Variants in BCO2 observed in about 807,000 individuals in gnomAD.
The protein encoded by BCO2 is beta-carotene oxygenase 2.
BCO2 carries 56 observed loss-of-function variants against 65.8 expected under a neutral mutation model. That is an observed-to-expected ratio of 0.85 (90% CI 0.69 to 1.06). The LOEUF is 1.06. Among genes scored for constraint, BCO2 ranks in the 50% least tolerant of loss-of-function variants. The probability of loss-of-function intolerance (pLI) is 0.00; values close to 1 mark genes in which losing one functional copy is unlikely to be tolerated. For synonymous variants in BCO2, 233 were observed against 242.3 expected (o/e 0.96, Z 0.36); for missense variants, 675 against 698.5 (o/e 0.97, Z 0.38).
At chr11:112,194,908 T>C (rs1867525026) in intron 5 of BCO2, among the ~76,000 whole-genome samples, 153 bp downstream of exon 5, 1 of 152,168 alleles carries the variant, frequency 6.6e-6, no homozygotes. Context: ...TCTTTATTAC[T>C]TGATCTCAGA....
intron 8 of BCO2, among the ~76,000 whole-genome samples, chr11:112,208,445 T>C (rs1266933640): frequency 6.7e-6 from 1 of 149,046 alleles, no homozygotes; most frequent in Non-Finnish European, 1.5e-5. Context: ...CTTATTTCAC[T>C]GGATCTTCAG....
chr11:112,185,057 G>C (rs946221483), intron 2 of BCO2, among the ~76,000 whole-genome samples: 9 of 152,034 alleles, frequency 5.9e-5, no homozygotes, highest in Admixed American at 1.3e-4. Context: ...TATTTTCTTT[G>C]CTTTATTATT....
At chr11:112,180,814 C>T in intron 2 of BCO2, 5 of 1,046,530 alleles carry the variant, frequency 4.8e-6, no homozygotes, top group Admixed American at 1.7e-5. Context: ...GCCCCAAGAA[C>T]GGAAAGGTAG....
At chr11:112,197,248 G>A (rs1867606826) in intron 5 of BCO2, among the ~76,000 whole-genome samples, 1 of 152,062 alleles carries the variant, frequency 6.6e-6, no homozygotes, top group Admixed American at 6.6e-5. Flanking sequence ...TACATCAGTT[G>A]ATCAAAAAGT....
chr11:112,209,788 T>G (rs1320206477), intron 8 of BCO2, among the ~76,000 whole-genome samples: 1 of 152,222 alleles, frequency 6.6e-6, no homozygotes. Flanking sequence ...AAGCTACCCT[T>G]CCATTCCTGA....
In BCO2 at chr11:112,218,164, G is replaced by A. The variant is rs922147712; in HGVS notation, c.*290G>A. ...GAATGTACTCTATACAAAAGACAGAGCATAAAGGGCACCGTACCTCCCAAA... is the reference window on the plus strand; with the variant it reads ...GAATGTACTCTATACAAAAGACAGAACATAAAGGGCACCGTACCTCCCAAA... On this transcript the variant is annotated 3_prime_UTR_variant, in exon 12 of 12. Coordinates refer to ENST00000357685, the MANE Select transcript of BCO2 (RefSeq NM_031938.7). The A allele has an allele frequency of 4.4e-6, 1 of 229,720 alleles. No homozygotes were observed. Among genetic ancestry groups the A allele is most frequent in the Non-Finnish European group, 8.5e-6 (1 of 117,670 alleles). The allele number at this position is 229,720 out of a possible 1,614,324, so 14.2% of individuals were successfully genotyped here.
intron 8 of BCO2, among the ~76,000 whole-genome samples, chr11:112,209,564 A>T (rs1192092141): frequency 6.6e-6 from 1 of 152,248 alleles, no homozygotes; most frequent in Admixed American, 6.5e-5. Context: ...CTTTTTAAAA[A>T]GATACATTTT....
intron 10 of BCO2, chr11:112,215,736 A>AC (rs1181140760): frequency 6.3e-5 from 2 of 31,690 alleles, no homozygotes; most frequent in Admixed American, 8.4e-4. Flanking sequence ...AAACAAAAAA[A>AC]CAAAAAAAAA....
chr11:112,190,420 CTTA>C (rs1867339870), intron 2 of BCO2, among the ~76,000 whole-genome samples: 1 of 152,014 alleles, frequency 6.6e-6, no homozygotes. Context: ...ACAAGTTAGG[CTTA>C]TTATTAGTAA....
Position 112,193,650 on chromosome 11 carries a change from T to A in BCO2, c.470T>A (p.Val157Asp). The change falls in exon 3 of 12, where the codon GTT becomes GAT. Residue 157 changes from valine to aspartate, a missense_variant. Coordinates refer to ENST00000357685, the MANE Select transcript of BCO2 (RefSeq NM_031938.7). ...GCTCTCCCGGATCCATGCAAGAATG[T>A]TTTTGAACGTTTCATGTCCAGGTTT... ...TLALPDPCKNVFERFMSRFEL... is the reference protein window; with the variant it reads ...TLALPDPCKNDFERFMSRFEL... 15 of 1,614,152 alleles carry A rather than the reference T, an allele frequency of 9.3e-6. No homozygotes were observed. The highest frequency in any genetic ancestry group is 1.2e-5 in the Non-Finnish European group (14 of 1,180,000).
chr11:112,185,894 C>A (rs542887432), intron 2 of BCO2, among the ~76,000 whole-genome samples: 1 of 152,142 alleles, frequency 6.6e-6, no homozygotes, highest in African/African-American at 2.4e-5. Context: ...AAAACTGAAA[C>A]CTTGTATCCA....
intron 2 of BCO2, chr11:112,181,250 C>A: frequency 1.7e-6 from 1 of 603,924 alleles, no homozygotes; most frequent in Admixed American, 2.8e-5. Context: ...GGCGGGATCT[C>A]GGCTCACTGC....
At chr11:112,216,750 A>AACTG (rs1461061779) in intron 11 of BCO2, among the ~76,000 whole-genome samples, 1 of 152,200 alleles carries the variant, frequency 6.6e-6, no homozygotes, top group East Asian at 1.9e-4. Context: ...AATTTCAATG[A>AACTG]ACTGACCTCC....
At chr11:112,201,589 A>G (rs1867736262) in intron 7 of BCO2, among the ~76,000 whole-genome samples, 1 of 152,154 alleles carries the variant, frequency 6.6e-6, no homozygotes, top group Admixed American at 6.5e-5. Context: ...AGTATCTTAA[A>G]TTTACTCTAT....
At position 112,217,742 on chromosome 11, in the gene BCO2, ATTGTC is replaced by A. The variant is rs1859724895; in HGVS notation, c.1627-16_1627-12del. The stretch of plus-strand genomic sequence containing the variant: ...TGATGAAAAAAAGATAATTTTCAAT[ATTGTC>A]TTTTCTTTTCTAGAATGAAAGCAAT... On this transcript the variant is annotated splice_polypyrimidine_tract_variant and intron_variant, in intron 11 of 11. Coordinates refer to ENST00000357685, the MANE Select transcript of BCO2 (RefSeq NM_031938.7). 1.3e-6 allele frequency: 2 copies of A among 1,554,228 alleles called. No individual in the cohort carries two copies. Among genetic ancestry groups the A allele is most frequent in the East Asian group, 4.5e-5 (2 of 44,588 alleles).
At chr11:112,181,778 C>A in intron 2 of BCO2, 1 of 837,308 alleles carries the variant, frequency 1.2e-6, no homozygotes, top group Non-Finnish European at 2.1e-6. Context: ...CTTGTTTGGA[C>A]CTTCGATACA....
intron 8 of BCO2, chr11:112,208,585 C>A: frequency 4.5e-6 from 1 of 221,836 alleles, no homozygotes; most frequent in East Asian, 1.3e-4. Flanking sequence ...GAAACTGTCC[C>A]TTCTCGGGGG....
Position 112,180,100 on chromosome 11 carries a change from T to C in BCO2, c.293+618T>C, listed in dbSNP as rs553201408. ...TGAAGTCCCTTATATAAAATGCTTT[T>C]ATTTGCTTTTAACCTACATATATCC... On this transcript the variant is annotated intron_variant, in intron 2 of 11. Coordinates refer to ENST00000357685, the MANE Select transcript of BCO2 (RefSeq NM_031938.7). Among the ~76,000 whole-genome samples the C allele has an allele frequency of 1.6e-4, 25 of 152,348 alleles. 1 individual carries two copies. In the South Asian group the frequency reaches 4.3e-3, roughly 26 times the overall value.
chr11:112,185,619 T>TA (rs1867176556), intron 2 of BCO2, among the ~76,000 whole-genome samples: 1 of 152,200 alleles, frequency 6.6e-6, no homozygotes, highest in African/African-American at 2.4e-5. Context: ...CAATTACAGT[T>TA]ATATGTAGTA....
Sources: allele counts gnomAD v4.1 joint callset (sites outside exome capture counted in the v4.1 genomes callset), GRCh38; gene constraint gnomAD v4.1.1; transcripts MANE v1.5; gene names NCBI Gene and HGNC (gene_info 2026-07-23, HGNC 2026-07-21).